Variants in PTAR1 observed in about 807,000 individuals in gnomAD.
PTAR1 encodes the protein protein prenyltransferase alpha subunit repeat-containing protein 1.
Under a neutral mutation model 45.5 loss-of-function variants are expected in PTAR1, and 17 were observed. The ratio of observed to expected loss-of-function variants is 0.37; its 90% confidence interval spans 0.26 to 0.56. The LOEUF is 0.56. Among genes scored for constraint, PTAR1 ranks in the 20% least tolerant of loss-of-function variants. PTAR1 has a pLI of 0.77. For synonymous variants in PTAR1, 169 were observed against 171.3 expected, an observed-to-expected ratio of 0.99 and a Z score of 0.11; for missense variants, 391 against 476.3, an observed-to-expected ratio of 0.82 and a Z score of 1.67.
intron 5 of PTAR1, among the ~76,000 whole-genome samples, chr9:69,724,192 T>G (rs912081671): frequency 6.6e-6 from 1 of 152,122 alleles, no homozygotes; most frequent in Non-Finnish European, 1.5e-5. Context: ...CATGATGCAC[T>G]AATAATAAGA....
chr9:69,732,962 T>TA (rs1194048631), intron 4 of PTAR1, among the ~76,000 whole-genome samples: 5 of 152,144 alleles, frequency 3.3e-5, no homozygotes, highest in African/African-American at 1.2e-4. Context: ...TGTATTTACA[T>TA]AAAAAACACT....
chr9:69,722,939 C>CAAAAAA (rs35037746), intron 6 of PTAR1, among the ~76,000 whole-genome samples: 6 of 99,838 alleles, frequency 6.0e-5, no homozygotes, highest in African/African-American at 1.1e-4. Flanking sequence ...AACTCTATCT[C>CAAAAAA]AAAAAAAAAA....
chr9:69,732,383 CAGAA>C, intron 4 of PTAR1, 31 bp from the exon 5 acceptor site: 1 of 1,455,826 alleles, frequency 6.9e-7, no homozygotes, highest in Non-Finnish European at 9.6e-7. Context: ...AAAGAGAACA[CAGAA>C]AGAACATAAA....
Position 69,759,836 on chromosome 9 carries a change from G to A in PTAR1, c.86+17C>T, listed in dbSNP as rs764987519. ...GCTCCCGACGACCCTCGGAGGCGGC[G>A]GAGGCGCGCGACTCACATGTGTGGG... is the stretch of plus-strand genomic sequence containing the variant. On this transcript the variant is annotated intron_variant, in intron 1 of 7. Transcript: ENST00000340434. 11 of 1,514,878 alleles carry A rather than the reference G, an allele frequency of 7.3e-6. No homozygotes were observed. The Admixed American group carries it at 1.5e-4, about 20-fold the overall frequency. 93.8% of individuals were successfully genotyped at this position (1,514,878 alleles called of 1,614,324 possible). A position where few individuals can be genotyped will look rare whatever the true frequency, so the allele number is the denominator to read the frequency against.
At chr9:69,749,507 C>T (rs956007043) in intron 2 of PTAR1, among the ~76,000 whole-genome samples, 2 of 151,942 alleles carry the variant, frequency 1.3e-5, no homozygotes, top group Admixed American at 1.3e-4. Context: ...ATCCCTAAAC[C>T]CATGCCTTAA....
rs112575324 is a variant in PTAR1, at chr9:69,718,021, G to C, written c.*321C>G. ...TGCCTATGCAGCAATTGGACTGAGG[G>C]GGGTAGAGGTGTGTGTGTGTGAACC... On this transcript the variant is annotated 3_prime_UTR_variant, in exon 8 of 8. Transcript: ENST00000340434. The C allele has an allele frequency of 5.7e-4, 120 of 211,816 alleles. No homozygotes were observed. The highest frequency in any genetic ancestry group is 2.1e-3 in the African/African-American group (94 of 43,854). 13.1% of individuals were successfully genotyped at this position (211,816 alleles called of 1,614,324 possible). A position where few individuals can be genotyped will look rare whatever the true frequency, so the allele number is the denominator to read the frequency against.
chr9:69,733,298 T>C (rs945425679), intron 4 of PTAR1, among the ~76,000 whole-genome samples: 3 of 152,140 alleles, frequency 2.0e-5, no homozygotes, highest in African/African-American at 7.2e-5. Flanking sequence ...TATAACTGAC[T>C]ATGTGGTTTG....
At chr9:69,754,764 A>C (rs1826695948) in intron 1 of PTAR1, among the ~76,000 whole-genome samples, 1 of 150,634 alleles carries the variant, frequency 6.6e-6, no homozygotes, top group South Asian at 2.1e-4. Context: ...TATGTTGACC[A>C]GGCTGGTCTC....
Position 69,712,152 on chromosome 9 carries a change from G to A in PTAR1, c.*6190C>T, listed in dbSNP as rs2134057546. 6.6e-6 allele frequency: 1 copy of A among 152,190 alleles called. No individual in the cohort carries two copies. The allele number at this position is 152,190 out of a possible 1,614,324, so 9.4% of individuals were successfully genotyped here. On this transcript the variant is annotated 3_prime_UTR_variant, in exon 8 of 8. Coordinates refer to ENST00000340434, the MANE Select transcript of PTAR1 (RefSeq NM_001099666.2). ...CCTATCACCTTATAATGATAAATAA[G>A]CAATCTAAAGTATGCTGCATAGTAC...
intron 2 of PTAR1, among the ~76,000 whole-genome samples, chr9:69,748,899 C>A (rs1218206722): frequency 2.0e-5 from 3 of 152,006 alleles, no homozygotes; most frequent in Non-Finnish European, 4.4e-5. Context: ...TAGTATGTGA[C>A]ACCATACTAA....
intron 2 of PTAR1, 128 bp downstream of exon 2, chr9:69,750,653 C>T: frequency 1.5e-6 from 1 of 659,302 alleles, no homozygotes; most frequent in Non-Finnish European, 2.4e-6. Context: ...AGGTTAGCAC[C>T]CACCGAGACA....
intron 6 of PTAR1, among the ~76,000 whole-genome samples, chr9:69,719,422 A>G (rs1292770400): frequency 1.3e-5 from 2 of 152,214 alleles, no homozygotes; most frequent in Admixed American, 6.5e-5. Flanking sequence ...ACATCCATGT[A>G]CAATGAACTG....
chr9:69,751,184 T>TA lies in PTAR1; in HGVS notation c.87-235dup, dbSNP rs1196805207. On this transcript the variant is annotated intron_variant, in intron 1 of 7. Transcript: ENST00000340434. Reference sequence around the variant, plus strand: ...CTGGTCTTGCCTTTGGATGGCAACTTAAAAAAAAGTCTTTCAAAATTTTGA... The same window carrying TA: ...CTGGTCTTGCCTTTGGATGGCAACTTAAAAAAAAAGTCTTTCAAAATTTTGA... Among the ~76,000 whole-genome samples, 8 of 151,772 alleles carry TA rather than the reference T, an allele frequency of 5.3e-5. No homozygotes were observed. The South Asian group carries it at 1.7e-3, about 32-fold the overall frequency.
At chr9:69,729,433 A>C (rs987441381) in intron 5 of PTAR1, among the ~76,000 whole-genome samples, 1 of 152,230 alleles carries the variant, frequency 6.6e-6, no homozygotes, top group African/African-American at 2.4e-5. Flanking sequence ...AAATATTCCA[A>C]TGTGATGGAT....
chr9:69,759,390 A>G (rs1826967356), intron 1 of PTAR1, among the ~76,000 whole-genome samples: 1 of 152,164 alleles, frequency 6.6e-6, no homozygotes, highest in African/African-American at 2.4e-5. Context: ...ACCTTTAGTT[A>G]GTAAACTGAG....
At chr9:69,726,373 A>G (rs1488997516) in intron 5 of PTAR1, among the ~76,000 whole-genome samples, 3 of 152,092 alleles carry the variant, frequency 2.0e-5, no homozygotes, top group African/African-American at 7.2e-5. Context: ...AACTCGTAAA[A>G]TATTTCACCC....
At chr9:69,747,766 A>G (rs531536463) in intron 2 of PTAR1, among the ~76,000 whole-genome samples, 1 of 152,274 alleles carries the variant, frequency 6.6e-6, no homozygotes, top group Admixed American at 6.5e-5. Flanking sequence ...AACTAATAAA[A>G]AGCAATTTTT....
At chr9:69,744,298 A>T (rs1826172777) in intron 2 of PTAR1, among the ~76,000 whole-genome samples, 1 of 151,642 alleles carries the variant, frequency 6.6e-6, no homozygotes. Flanking sequence ...TTTCTGGCTC[A>T]TGTCTTCCCG....
intron 5 of PTAR1, among the ~76,000 whole-genome samples, chr9:69,726,791 T>TCCCC (rs1358164748): frequency 1.3e-5 from 2 of 152,084 alleles, no homozygotes; most frequent in African/African-American, 4.8e-5. Context: ...TCTAATTTAC[T>TCCCC]ATTTGTGATA....
Sources: allele counts gnomAD v4.1 joint callset (sites outside exome capture counted in the v4.1 genomes callset), GRCh38; gene constraint gnomAD v4.1.1; transcripts MANE v1.5; gene names NCBI Gene and HGNC (gene_info 2026-07-23, HGNC 2026-07-21).